Variants in AEN observed in about 807,000 individuals in gnomAD.
AEN encodes apoptosis enhancing nuclease.
AEN carries 21 observed loss-of-function variants against 17.7 expected under a neutral mutation model. The ratio of observed to expected loss-of-function variants is 1.19; its 90% CI spans 0.84 to 1.71. The LOEUF (loss-of-function observed/expected upper bound fraction) is 1.71, where lower values mean the gene tolerates loss of function less well. Among genes scored for constraint, AEN ranks in the 40% most tolerant of loss-of-function variants. The probability of loss-of-function intolerance (pLI) is 0.00; values close to 1 mark genes in which losing one functional copy is unlikely to be tolerated. For synonymous variants in AEN, 190 were observed against 173.0 expected, an observed-to-expected ratio of 1.10 and a Z score of -0.77; for missense variants, 462 against 435.9, an observed-to-expected ratio of 1.06 and a Z score of -0.53.
chr15:88,616,980 T>A (rs191685508), upstream of AEN, among the ~76,000 whole-genome samples: 1 of 152,356 alleles, frequency 6.6e-6, no homozygotes, highest in East Asian at 1.9e-4. Context: ...CATGGCCTCA[T>A]TGTTAAGTCA....
At chr15:88,629,180 T>C (rs750950323) in intron 2 of AEN, 46 bp from the exon 3 acceptor site, 13 of 1,598,098 alleles carry the variant, frequency 8.1e-6, no homozygotes, top group Non-Finnish European at 1.1e-5. Context: ...CCTGCCAACC[T>C]GATGGGGTGT....
intron 1 of AEN, 61 bp from the exon 2 acceptor site, chr15:88,626,085 G>A (rs2057847637): frequency 8.9e-7 from 1 of 1,127,050 alleles, no homozygotes; most frequent in South Asian, 1.7e-5. Flanking sequence ...AGGGAGGGAG[G>A]GTGGGTGGGC....
At chr15:88,624,864 C>G (rs781018639) in intron 1 of AEN, among the ~76,000 whole-genome samples, 1 of 141,174 alleles carries the variant, frequency 7.1e-6, no homozygotes, top group Non-Finnish European at 1.6e-5. Context: ...GCCTGGGTAA[C>G]GAGAACGAAA....
At chr15:88,621,195 C>T (rs1053252135), upstream of AEN, 1 of 152,328 alleles carries the variant, frequency 6.6e-6, no homozygotes, top group Non-Finnish European at 1.5e-5. Flanking sequence ...TCAGGAGTCC[C>T]TCCCCTTCTG....
intron 1 of AEN, among the ~76,000 whole-genome samples, chr15:88,624,274 G>A (rs2057823488): frequency 6.6e-6 from 1 of 152,160 alleles, no homozygotes; most frequent in East Asian, 1.9e-4. Context: ...CTTCCAGAAG[G>A]GCTTCTGGGT....
rs752810556 is a variant in AEN at position 88,629,317 on chromosome 15, C to A, written c.632C>A (p.Thr211Asn). 6.2e-7 allele frequency: 1 copy of A among 1,614,130 alleles called. No homozygotes were observed. Among genetic ancestry groups the A allele is most frequent in the African/African-American group, 1.3e-5 (1 of 75,034 alleles). ...ALKYVHPRSQ[T>N]RDTTYVPNFL... Reference sequence around the variant, plus strand: ...AAGTATGTCCACCCTCGGAGCCAGACCCGGGATACGACCTATGTCCCAAAC... The same window carrying A: ...AAGTATGTCCACCCTCGGAGCCAGAACCGGGATACGACCTATGTCCCAAAC... Residue 211 changes from threonine (T) to asparagine (N), a missense_variant, in exon 3 of 4, where the codon ACC becomes AAC. Coordinates refer to ENST00000332810, the MANE Select transcript of AEN (RefSeq NM_022767.4).
upstream of AEN, among the ~76,000 whole-genome samples, chr15:88,618,818 C>T (rs6496508): frequency 0.018 from 2,726 of 152,130 alleles, 72 homozygotes; most frequent in African/African-American, 0.056. Flanking sequence ...TATTTGTTTA[C>T]TGGAGACAGG....
chr15:88,621,714 G>A (rs2057790588), intron 1 of AEN: 1 of 152,252 alleles, frequency 6.6e-6, no homozygotes, highest in African/African-American at 2.4e-5. Context: ...CAGCCGGCGG[G>A]GAGGTCGTGC....
chr15:88,630,326 G>T lies in AEN; in HGVS notation c.*32G>T. Reference sequence around the variant, plus strand: ...GGCGGGGCTCCCTGGCTGGGCTTCCGGTGTGGCCGGTAGGAAGTGGGGGCC... The same window carrying T: ...GGCGGGGCTCCCTGGCTGGGCTTCCTGTGTGGCCGGTAGGAAGTGGGGGCC... On this transcript the variant is annotated 3_prime_UTR_variant, in exon 4 of 4. Transcript: ENST00000332810. This position sits in a 1 kb window ranked among gnomAD's most constrained non-coding sequence, Gnocchi z 5.1. 6.5e-7 allele frequency: 1 copy of T among 1,546,676 alleles called. No homozygotes were observed. Among genetic ancestry groups the T allele is most frequent in the Non-Finnish European group, 8.8e-7 (1 of 1,142,548 alleles).
chr15:88,616,901 A>G (rs2057743025), upstream of AEN, among the ~76,000 whole-genome samples: 2 of 152,228 alleles, frequency 1.3e-5, no homozygotes, highest in African/African-American at 4.8e-5. Flanking sequence ...AGGCTAAGCT[A>G]TAGACGTTTG....
chr15:88,618,200 A>G (rs892120827), upstream of AEN, among the ~76,000 whole-genome samples: 1 of 152,154 alleles, frequency 6.6e-6, no homozygotes, highest in African/African-American at 2.4e-5. Flanking sequence ...ATCTCTCTTT[A>G]TCAAATCTGG....
upstream of AEN, among the ~76,000 whole-genome samples, chr15:88,620,103 A>T (rs1463010124): frequency 6.6e-6 from 1 of 152,044 alleles, no homozygotes; most frequent in African/African-American, 2.4e-5. Flanking sequence ...GCTTCCCTCA[A>T]ATTTGTACTC....
the AEN span, among the ~76,000 whole-genome samples, chr15:88,612,831 C>A: frequency 1.3e-5 from 2 of 151,964 alleles, no homozygotes; most frequent in African/African-American, 4.8e-5. Flanking sequence ...GAACTCGTGA[C>A]GTCAGGGGAT....
At chr15:88,622,434 G>A (rs73451724) in intron 1 of AEN, among the ~76,000 whole-genome samples, 6,449 of 152,270 alleles carry the variant, frequency 0.042, 156 homozygotes, top group Middle Eastern at 0.078. Flanking sequence ...GGTAGTGAAG[G>A]AATTGGCTTT....
the AEN span, chr15:88,604,814 C>G: frequency 6.6e-6 from 1 of 152,516 alleles, no homozygotes; most frequent in African/African-American, 2.4e-5. This position sits in a 1 kb window ranked among gnomAD's most constrained non-coding sequence, Gnocchi z 8.1. Flanking sequence ...ACCCCCTCCC[C>G]CGCACTGCGC....
the AEN span, among the ~76,000 whole-genome samples, chr15:88,611,095 A>G: frequency 1.3e-5 from 2 of 152,176 alleles, no homozygotes; most frequent in Non-Finnish European, 2.9e-5. Flanking sequence ...TGAAGCTTCC[A>G]GGGCTCAGTA....
At chr15:88,617,727 C>A (rs977341772), upstream of AEN, among the ~76,000 whole-genome samples, 2 of 152,062 alleles carry the variant, frequency 1.3e-5, no homozygotes, top group Admixed American at 1.3e-4. Flanking sequence ...TCATGGATTC[C>A]CCTCTATGGC....
intron 1 of AEN, chr15:88,621,708 C>T (rs1301538198): frequency 6.6e-6 from 1 of 152,236 alleles, no homozygotes; most frequent in Non-Finnish European, 1.5e-5. Context: ...GAACGCCAGC[C>T]GGCGGGGAGG....
At chr15:88,625,555 C>CA (rs1025269624) in intron 1 of AEN, among the ~76,000 whole-genome samples, 47 of 152,246 alleles carry the variant, frequency 3.1e-4, no homozygotes, top group African/African-American at 1.0e-3. Flanking sequence ...TATCATATTA[C>CA]AAAAAAATAC....
Sources: gnomAD v4.1 joint callset for allele counts (sites outside exome capture counted in the v4.1 genomes callset) on GRCh38, gnomAD v4.1.1 for gene constraint, Gnocchi (gnomAD v3.1) non-coding constraint, MANE v1.5 for transcripts, NCBI Gene and HGNC (gene_info 2026-07-23, HGNC 2026-07-21) for gene names.